TBC1D30: variants seen among roughly 807,000 people sequenced by gnomAD.
TBC1D30 encodes the protein TBC1 domain family, member 30.
In TBC1D30, 31 loss-of-function variants were observed where a neutral mutation model predicts 63.2. The observed-to-expected ratio is 0.49, with a 90% CI of 0.37 to 0.66. The LOEUF (loss-of-function observed/expected upper bound fraction) is 0.66. TBC1D30 is among the 30% of genes least tolerant of loss of function. The probability of loss-of-function intolerance (pLI) is 0.00; values close to 1 mark genes in which losing one functional copy is unlikely to be tolerated. For missense variants in TBC1D30, 810 were observed against 953.6 expected, an observed-to-expected ratio of 0.85 and a Z score of 1.98; for synonymous variants, 307 against 361.5, an observed-to-expected ratio of 0.85 and a Z score of 1.71.
intron 2 of TBC1D30, among the ~76,000 whole-genome samples, chr12:64,815,895 G>T (rs555799529): frequency 7.3e-5 from 11 of 151,490 alleles, no homozygotes; most frequent in African/African-American, 2.2e-4. Flanking sequence ...CAGGTGATCC[G>T]CCCCAGTAGC....
intron 8 of TBC1D30, among the ~76,000 whole-genome samples, chr12:64,845,754 G>T (rs547245628): frequency 1.3e-5 from 2 of 151,822 alleles, no homozygotes; most frequent in African/African-American, 4.8e-5. Context: ...ATCGCTCCTG[G>T]GTTCAAGCGA....
chr12:64,804,977 G>A (rs897139354), intron 2 of TBC1D30, among the ~76,000 whole-genome samples: 9 of 152,134 alleles, frequency 5.9e-5, no homozygotes, highest in Admixed American at 2.0e-4. Context: ...GAGGCGGGCG[G>A]ATCACCTGAG....
intron 11 of TBC1D30, among the ~76,000 whole-genome samples, chr12:64,874,577 A>G (rs756019794): frequency 3.1e-4 from 47 of 151,750 alleles, no homozygotes; most frequent in African/African-American, 9.2e-4. Context: ...TTCTTTTCCT[A>G]CCTCTCAGAG....
At chr12:64,769,952 T>C (rs952729254) in intron 1 of TBC1D30, among the ~76,000 whole-genome samples, 2 of 152,218 alleles carry the variant, frequency 1.3e-5, no homozygotes, top group Non-Finnish European at 2.9e-5. Context: ...AATTGTAACA[T>C]TTTCTTTGAC....
intron 8 of TBC1D30, among the ~76,000 whole-genome samples, chr12:64,862,115 G>A (rs933830838): frequency 6.6e-6 from 1 of 152,166 alleles, no homozygotes; most frequent in African/African-American, 2.4e-5. Flanking sequence ...TTCTAACCCT[G>A]TGATTCTATT....
At chr12:64,782,295 A>T (rs79450077) in intron 1 of TBC1D30, among the ~76,000 whole-genome samples, 1 of 124,124 alleles carries the variant, frequency 8.1e-6, no homozygotes, top group African/African-American at 4.2e-5. Context: ...TCACTGTATT[A>T]AAAAAAAAAA....
intron 8 of TBC1D30, among the ~76,000 whole-genome samples, chr12:64,855,775 G>C (rs554366846): frequency 6.6e-6 from 1 of 152,244 alleles, no homozygotes; most frequent in African/African-American, 2.4e-5. Context: ...ATATATCTCT[G>C]TTACTCCAGG....
At chr12:64,776,189 TA>T (rs2136283269), upstream of TBC1D30, among the ~76,000 whole-genome samples, 1 of 152,132 alleles carries the variant, frequency 6.6e-6, no homozygotes, top group South Asian at 2.1e-4. Context: ...AACAACCTAA[TA>T]TCACAACTAA....
chr12:64,796,002 T>A lies in TBC1D30; in HGVS notation c.643+9957T>A, dbSNP rs561561403. Among the ~76,000 whole-genome samples, 5 of 152,292 alleles carry A rather than the reference T, an allele frequency of 3.3e-5. No homozygotes were observed. The East Asian group carries it at 9.6e-4, about 29-fold the overall frequency. On this transcript the variant is annotated intron_variant, in intron 2 of 12. Coordinates refer to the TBC1D30 transcript ENST00000542120. ...ATAACCGTTTTAGGTATGTTTTTGATATATAATTAGCAGCCTGGTCTACCC... is the reference window on the plus strand; with the variant it reads ...ATAACCGTTTTAGGTATGTTTTTGAAATATAATTAGCAGCCTGGTCTACCC...
chr12:64,778,454 GA>G (rs933888228), upstream of TBC1D30, among the ~76,000 whole-genome samples: 2 of 149,900 alleles, frequency 1.3e-5, no homozygotes, highest in South Asian at 2.1e-4. Context: ...GGTATTATGG[GA>G]AAAAAAAGAA....
At chr12:64,870,894 T>C (rs1325839577) in intron 11 of TBC1D30, 86 bp downstream of exon 11, 1 of 1,318,308 alleles carries the variant, frequency 7.6e-7, no homozygotes, top group Admixed American at 2.0e-5. Flanking sequence ...GGCCTTGGAA[T>C]TACTAACTGT....
Position 64,876,073 on chromosome 12 carries a change from G to C in TBC1D30, c.*285G>C, listed in dbSNP as rs1014412217. On this transcript the variant is annotated 3_prime_UTR_variant, in exon 12 of 12. Coordinates refer to ENST00000539867, the MANE Select transcript of TBC1D30 (RefSeq NM_015279.2). The stretch of plus-strand genomic sequence containing the variant: ...TTTTCATTGTGAGCTGTTTAAAAAA[G>C]ACTATATCTAGATTGTTAACTCTCG... 2 of 350,216 alleles carry C rather than the reference G, an allele frequency of 5.7e-6. No homozygotes were observed. The highest frequency in any genetic ancestry group is 5.1e-6 in the Non-Finnish European group (1 of 194,702). 21.7% of individuals were successfully genotyped at this position (350,216 alleles called of 1,614,324 possible). A position where few individuals can be genotyped will look rare whatever the true frequency, so the allele number is the denominator to read the frequency against.
At chr12:64,839,760 A>G (rs1404860257) in intron 7 of TBC1D30, among the ~76,000 whole-genome samples, 1 of 152,090 alleles carries the variant, frequency 6.6e-6, no homozygotes, top group Non-Finnish European at 1.5e-5. Flanking sequence ...TAATCCCAGC[A>G]CTTTGGGAGG....
Position 64,875,948 on chromosome 12 carries a change from A to T in TBC1D30, c.*160A>T. ...TGGGAACTGGAAGTTTTATAATAGG[A>T]GTTAGAACAGGGCTGTTTTCCCAGC... is the stretch of plus-strand genomic sequence containing the variant. On this transcript the variant is annotated 3_prime_UTR_variant, in exon 12 of 12. Transcript: ENST00000539867. The T allele has an allele frequency of 1.5e-6, 1 of 677,580 alleles. No individual in the cohort carries two copies. The highest frequency in any genetic ancestry group is 2.5e-5 in the South Asian group (1 of 39,266). 42.0% of individuals were successfully genotyped at this position (677,580 alleles called of 1,614,324 possible).
intron 1 of TBC1D30, among the ~76,000 whole-genome samples, chr12:64,767,788 C>CGGGGGGGGG (rs59418018): frequency 1.0e-4 from 6 of 60,194 alleles, no homozygotes; most frequent in African/African-American, 2.2e-4. Flanking sequence ...CATGCTCCGG[C>CGGGGGGGGG]GGGGGGGGGG....
intron 11 of TBC1D30, among the ~76,000 whole-genome samples, chr12:64,873,682 A>T (rs1878829329): frequency 6.6e-6 from 1 of 152,180 alleles, no homozygotes; most frequent in South Asian, 2.1e-4. Flanking sequence ...AAATATTTTC[A>T]CATAAGGTAG....
At chr12:64,759,531 G>A in exon 1 of TBC1D30, 1 of 484,310 alleles carries the variant, frequency 2.1e-6, no homozygotes, top group Non-Finnish European at 3.6e-6. Flanking sequence ...ATCAGGCAGT[G>A]GCGGAAAAGG....
chr12:64,801,316 TTG>T (rs150300758), intron 2 of TBC1D30, among the ~76,000 whole-genome samples: 28 of 151,630 alleles, frequency 1.8e-4, no homozygotes, highest in Non-Finnish European at 3.7e-4. Flanking sequence ...GGATCAAAGT[TTG>T]TGTGTGTGTG....
At chr12:64,798,852 A>G (rs10784420) in intron 2 of TBC1D30, among the ~76,000 whole-genome samples, 101,345 of 142,586 alleles carry the variant, frequency 0.71, 36,611 homozygotes, top group East Asian at 0.9. Flanking sequence ...TCGCTCTGTC[A>G]CCCAGGCTAG....
Sources: gnomAD v4.1 joint callset for allele counts (sites outside exome capture counted in the v4.1 genomes callset) on GRCh38, gnomAD v4.1.1 for gene constraint, MANE v1.5 for transcripts, NCBI Gene and HGNC (gene_info 2026-07-23, HGNC 2026-07-21) for gene names.